Variants in PTPRZ1 observed in about 807,000 individuals in gnomAD.
PTPRZ1 encodes protein tyrosine phosphatase receptor type Z1.
PTPRZ1 carries 82 observed loss-of-function variants against 214.1 expected under a neutral mutation model. That is an observed-to-expected ratio of 0.38 (90% confidence interval 0.32 to 0.46). The LOEUF is 0.46. Ranked by LOEUF, PTPRZ1 falls within the 20% of genes least tolerant of loss-of-function variation. The probability of loss-of-function intolerance (pLI) is 1.00; values close to 1 mark genes in which losing one functional copy is unlikely to be tolerated. For missense variants in PTPRZ1, 2,603 were observed against 2,748.7 expected (o/e 0.95, Z 1.19); for synonymous variants, 945 against 987.9 (o/e 0.96, Z 0.81).
chr7:121,874,277 G>A (rs1793984916), intron 1 of PTPRZ1, among the ~76,000 whole-genome samples: 1 of 152,164 alleles, frequency 6.6e-6, no homozygotes, highest in African/African-American at 2.4e-5. Context: ...CACCCTCCAG[G>A]TTACATTTAA....
At chr7:122,032,484 C>G (rs905222092) in intron 15 of PTPRZ1, among the ~76,000 whole-genome samples, 2 of 152,086 alleles carry the variant, frequency 1.3e-5, no homozygotes, top group Non-Finnish European at 2.9e-5. Flanking sequence ...CTGGCCATTC[C>G]CCACTAGAGA....
At chr7:121,925,181 A>G (rs1230414784) in intron 1 of PTPRZ1, among the ~76,000 whole-genome samples, 1 of 152,246 alleles carries the variant, frequency 6.6e-6, no homozygotes, top group Admixed American at 6.5e-5. Context: ...TATCTCTAAA[A>G]TAAGAATTAC....
At chr7:121,978,912 T>C (rs1020208934) in intron 6 of PTPRZ1, among the ~76,000 whole-genome samples, 1 of 152,128 alleles carries the variant, frequency 6.6e-6, no homozygotes, top group Non-Finnish European at 1.5e-5. Flanking sequence ...GAAAATCCCC[T>C]ACTGCCCAAT....
At chr7:122,000,241 C>A (rs1798276644) in intron 10 of PTPRZ1, among the ~76,000 whole-genome samples, 2 of 152,064 alleles carry the variant, frequency 1.3e-5, no homozygotes, top group Admixed American at 6.6e-5. Flanking sequence ...TGAAAGGCTG[C>A]AATGGCATTT....
At chr7:122,049,605 G>T (rs974057815) in intron 23 of PTPRZ1, among the ~76,000 whole-genome samples, 2 of 152,076 alleles carry the variant, frequency 1.3e-5, no homozygotes, top group African/African-American at 2.4e-5. Flanking sequence ...AACAAAATGT[G>T]CAGTAAATAT....
chr7:121,977,080 G>T (rs1797463403), intron 6 of PTPRZ1, among the ~76,000 whole-genome samples: 1 of 152,042 alleles, frequency 6.6e-6, no homozygotes, highest in Non-Finnish European at 1.5e-5. Flanking sequence ...ATGTAAGTAG[G>T]AAATTGAAGT....
intron 1 of PTPRZ1, among the ~76,000 whole-genome samples, chr7:121,892,293 T>C (rs929564887): frequency 2.6e-5 from 4 of 152,148 alleles, no homozygotes; most frequent in South Asian, 4.1e-4. Flanking sequence ...ACAAAACATA[T>C]GGTCCCTGCT....
chr7:122,050,790 C>T (rs1296265150), intron 23 of PTPRZ1, among the ~76,000 whole-genome samples: 4 of 151,990 alleles, frequency 2.6e-5, no homozygotes, highest in East Asian at 3.9e-4. Flanking sequence ...GAAATTAAGA[C>T]GATGCAAATC....
Position 122,028,658 on chromosome 7 carries a change from T to C in PTPRZ1, c.5080+15T>C. ...TCCAATTTCAGGTAATGGCTTAAAGTGTGACCATGAGTAGCTGGTAGATGT... is the reference window on the plus strand; with the variant it reads ...TCCAATTTCAGGTAATGGCTTAAAGCGTGACCATGAGTAGCTGGTAGATGT... On this transcript the variant is annotated intron_variant, in intron 14 of 29. Coordinates refer to ENST00000393386, the MANE Select transcript of PTPRZ1 (RefSeq NM_002851.3). 2 of 1,507,644 alleles carry C rather than the reference T, an allele frequency of 1.3e-6. No individual in the cohort carries two copies. Among genetic ancestry groups the C allele is most frequent in the Non-Finnish European group, 1.8e-6 (2 of 1,084,498 alleles). The allele number at this position is 1,507,644 out of a possible 1,614,324, so 93.4% of individuals were successfully genotyped here.
Position 122,055,024 on chromosome 7 carries a change from A to G in PTPRZ1, c.6465A>G (p.Glu2155=), listed in dbSNP as rs1012291284. 2 of 1,604,636 alleles carry G rather than the reference A, an allele frequency of 1.2e-6. No individual in the cohort carries two copies. The highest frequency in any genetic ancestry group is 2.7e-5 in the African/African-American group (2 of 74,646). The change falls in exon 27 of 30, where the codon GAA becomes GAG. Residue 2155 remains glutamate (E), a synonymous_variant. Coordinates refer to ENST00000393386, the MANE Select transcript of PTPRZ1 (RefSeq NM_002851.3). ...TTAAGGTCACTCTTATGGCTGAAGA[A>G]CACAAATGTCTATCTAATGAGGAAA... ...ESFKVTLMAE[E]HKCLSNEEKL...
intron 6 of PTPRZ1, among the ~76,000 whole-genome samples, chr7:121,983,314 T>A (rs868554159): frequency 9.2e-5 from 14 of 152,332 alleles, no homozygotes; most frequent in South Asian, 8.3e-4. Flanking sequence ...ATGATCATCT[T>A]CACCAGAATA....
At chr7:121,920,320 A>G (rs575979562) in intron 1 of PTPRZ1, among the ~76,000 whole-genome samples, 4 of 152,300 alleles carry the variant, frequency 2.6e-5, no homozygotes, top group South Asian at 4.1e-4. Context: ...TATTATGGTA[A>G]GATAAGTTAG....
chr7:122,054,068 C>G, intron 26 of PTPRZ1, 30 bp downstream of exon 26: 1 of 1,608,348 alleles, frequency 6.2e-7, no homozygotes, highest in Non-Finnish European at 8.5e-7. Context: ...TTTGGGACTT[C>G]CTTTACAGAG....
intron 1 of PTPRZ1, among the ~76,000 whole-genome samples, chr7:121,914,282 G>T (rs1285362604): frequency 6.6e-6 from 1 of 152,114 alleles, no homozygotes; most frequent in African/African-American, 2.4e-5. Flanking sequence ...ATATTTTCTG[G>T]ATTTTTAAAA....
intron 1 of PTPRZ1, among the ~76,000 whole-genome samples, chr7:121,899,965 G>C (rs1453664957): frequency 6.6e-6 from 1 of 152,182 alleles, no homozygotes; most frequent in Non-Finnish European, 1.5e-5. Context: ...TATTGGAATG[G>C]ACACAGATCA....
At chr7:121,910,489 T>G (rs1433775625) in intron 1 of PTPRZ1, among the ~76,000 whole-genome samples, 1 of 151,944 alleles carries the variant, frequency 6.6e-6, no homozygotes, top group East Asian at 1.9e-4. Context: ...CAAGTGCCTA[T>G]ATATATATAT....
chr7:121,908,677 T>G, intron 1 of PTPRZ1: 1 of 466,676 alleles, frequency 2.1e-6, no homozygotes, highest in East Asian at 5.8e-5. Context: ...CTTGAATAAA[T>G]TGCTATTCAA....
rs2150498625 is a variant in PTPRZ1, at chr7:122,061,062, C to T, written c.6808-18C>T. 1 of 1,570,236 alleles carries T rather than the reference C, an allele frequency of 6.4e-7. No individual in the cohort carries two copies. Among genetic ancestry groups the T allele is most frequent in the Middle Eastern group, 1.7e-4 (1 of 5,820 alleles). ...CACTGAGCTTCGCATTTATTACCTCCCATCTTCTGTTCTCTAGGAGCAGTA... is the reference window on the plus strand; with the variant it reads ...CACTGAGCTTCGCATTTATTACCTCTCATCTTCTGTTCTCTAGGAGCAGTA... On this transcript the variant is annotated intron_variant, in intron 29 of 29. Transcript: ENST00000393386.
intron 2 of PTPRZ1, among the ~76,000 whole-genome samples, chr7:121,962,154 A>C (rs1287667791): frequency 6.6e-6 from 1 of 152,170 alleles, no homozygotes; most frequent in African/African-American, 2.4e-5. Flanking sequence ...GGAATTCAAA[A>C]AAGTAATGTT....
Sources: gnomAD v4.1 joint callset for allele counts (sites outside exome capture counted in the v4.1 genomes callset) on GRCh38, gnomAD v4.1.1 for gene constraint, MANE v1.5 for transcripts, NCBI Gene and HGNC (gene_info 2026-07-23, HGNC 2026-07-21) for gene names.